The following TJAP1 variants were observed in gnomAD, a reference collection of about 807,000 sequenced individuals.
TJAP1 encodes tight junction associated protein 1.
A neutral mutation model predicts 42.0 loss-of-function variants in TJAP1; 27 were observed. That is an observed-to-expected ratio of 0.64 (90% CI 0.47 to 0.89). TJAP1 has a LOEUF of 0.89. Among genes scored for constraint, TJAP1 ranks in the 40% least tolerant of loss-of-function variants. The probability of loss-of-function intolerance (pLI) is 0.00; values close to 1 mark genes in which losing one functional copy is unlikely to be tolerated. For synonymous variants in TJAP1, 257 were observed against 288.4 expected (o/e 0.89, Z 1.10); for missense variants, 712 against 726.9 (o/e 0.98, Z 0.24).
At position 43,505,736 on chromosome 6, in the gene TJAP1, G is replaced by T. The variant is rs946731283; in HGVS notation, c.1555G>T (p.Ala519Ser). 6.5e-7 allele frequency: 1 copy of T among 1,541,204 alleles called. No homozygotes were observed. ...AGGCACTTCCCACACCGAGGGCAGG[G>T]CCTGGCCACTCCCCAGCTCCAGTCG... The change falls in exon 11 of 11, where the codon GCC (alanine) becomes TCC (serine). Residue 519 changes from alanine to serine, a missense_variant. Physicochemically the swap from Ala to Ser is moderately conservative, Grantham distance 99. Around this residue, in one of 3 missense-constraint regions of TJAP1, gnomAD observed 549 missense variants for 528.2 expected, o/e 1.04. Transcript: ENST00000372449. The surrounding 1 kb of genome is among the most constrained non-coding windows in gnomAD (Gnocchi z 5.5).
At chr6:43,500,959 T>G (rs923354495) in intron 5 of TJAP1, 187 bp downstream of exon 5, 1 of 665,056 alleles carries the variant, frequency 1.5e-6, no homozygotes, top group African/African-American at 1.8e-5. Flanking sequence ...GGGATTTTAT[T>G]GTTCCATGGG....
chr6:43,490,727 A>C (rs1194682213), intron 2 of TJAP1, among the ~76,000 whole-genome samples: 1 of 151,998 alleles, frequency 6.6e-6, no homozygotes, highest in Non-Finnish European at 1.5e-5. Flanking sequence ...TGTCCCCCCC[A>C]CCTCTTTTCA....
intron 10 of TJAP1, chr6:43,504,104 TA>T (rs1433467319): frequency 8.9e-6 from 3 of 335,850 alleles, no homozygotes; most frequent in African/African-American, 6.4e-5. Context: ...GTAGAAGAAG[TA>T]GAGGTATTTC....
At chr6:43,489,788 C>A in intron 2 of TJAP1, 1 of 152,234 alleles carries the variant, frequency 6.6e-6, no homozygotes, top group South Asian at 2.1e-4. Flanking sequence ...GGGAGAAAGC[C>A]CCTGAGGGTC....
exon 4 of TJAP1, chr6:43,499,100 G>A (rs558144560): frequency 6.2e-7 from 1 of 1,613,632 alleles, no homozygotes; most frequent in South Asian, 1.1e-5. Flanking sequence ...TTGAGCAGGA[G>A]GTCAGCAAGA....
rs188671392 is a variant in TJAP1 at position 43,501,696 on chromosome 6, A to C, written c.290+9A>C. On this transcript the variant is annotated intron_variant, in intron 6 of 10. Coordinates refer to ENST00000372449, the Ensembl canonical transcript of TJAP1. ...AAGGATAAGTTCCGCAGGTGTGGGA[A>C]TGAGGGGCCAGACACACACACACAC... is the stretch of plus-strand genomic sequence containing the variant. 742 of 666,324 alleles carry C rather than the reference A, an allele frequency of 1.1e-3. 1 individual carries two copies. Among genetic ancestry groups the C allele is most frequent in the Non-Finnish European group, 1.7e-3 (607 of 366,102 alleles). 41.3% of individuals were successfully genotyped at this position (666,324 alleles called of 1,614,324 possible).
rs766619846 is a variant in TJAP1, at chr6:43,505,840, C to T, written c.1659C>T (p.Gly553=). 1.1e-5 allele frequency: 16 copies of T among 1,474,278 alleles called. No individual in the cohort carries two copies. The South Asian group carries it at 1.7e-4, about 16-fold the overall frequency. 91.3% of individuals were successfully genotyped at this position (1,474,278 alleles called of 1,614,324 possible). ...GCCTGACCCAGGCCCAGGAGCAGGG[C>T]AACCTGCTCAACTAGGGCCCCTGCT... Residue 553 remains glycine (G), a synonymous_variant, in exon 11 of 11, where the codon GGC becomes GGT. Coordinates refer to ENST00000372449, the Ensembl canonical transcript of TJAP1. This position sits in a 1 kb window ranked among gnomAD's most constrained non-coding sequence, Gnocchi z 5.5.
rs1463389999 is a variant in TJAP1, at chr6:43,491,491, T to C, written c.-121-6390T>C. 6.6e-6 allele frequency among the ~76,000 whole-genome samples: 1 copy of C among 152,114 alleles called. No homozygotes were observed. Among genetic ancestry groups the C allele is most frequent in the African/African-American group, 2.4e-5 (1 of 41,414 alleles). ...TTTTAGTAGAGACGGGGTTTCTCCA[T>C]GTTAGTCAGGCTGGTCTCGAACTCC... is the stretch of plus-strand genomic sequence containing the variant. On this transcript the variant is annotated intron_variant, in intron 2 of 10. Coordinates refer to ENST00000372449, the Ensembl canonical transcript of TJAP1. This position sits in a 1 kb window ranked among gnomAD's most constrained non-coding sequence, Gnocchi z 4.6.
intron 2 of TJAP1, among the ~76,000 whole-genome samples, chr6:43,481,831 T>C (rs1309507997): frequency 1.3e-5 from 2 of 152,218 alleles, no homozygotes; most frequent in Non-Finnish European, 2.9e-5. Flanking sequence ...TTCTGAGTCA[T>C]GTCCTGTCTA....
intron 3 of TJAP1, among the ~76,000 whole-genome samples, chr6:43,498,452 A>G (rs147388900): frequency 2.0e-5 from 3 of 152,316 alleles, no homozygotes; most frequent in African/African-American, 7.2e-5. Context: ...CAGAAGGCTG[A>G]GGCAGGAGGA....
chr6:43,482,490 C>T (rs1198397871), intron 2 of TJAP1, among the ~76,000 whole-genome samples: 1 of 152,200 alleles, frequency 6.6e-6, no homozygotes, highest in African/African-American at 2.4e-5. Flanking sequence ...ACTGGTGCTA[C>T]TCCTTTGCCT....
chr6:43,493,003 G>A (rs1383543941), intron 2 of TJAP1, among the ~76,000 whole-genome samples: 2 of 152,178 alleles, frequency 1.3e-5, no homozygotes, highest in Non-Finnish European at 2.9e-5. Context: ...TTGATGAGGG[G>A]CTTTAGGAAG....
intron 6 of TJAP1, among the ~76,000 whole-genome samples, chr6:43,501,927 ACTCT>A (rs201624955): frequency 0.026 from 1,833 of 71,462 alleles, 96 homozygotes; most frequent in African/African-American, 0.063. Context: ...ACACACACAC[ACTCT>A]CTCTCTCTCT....
At chr6:43,477,828 G>A (rs1784527389) in intron 1 of TJAP1, among the ~76,000 whole-genome samples, 200 bp downstream of exon 1, 1 of 152,178 alleles carries the variant, frequency 6.6e-6, no homozygotes, top group Non-Finnish European at 1.5e-5. Flanking sequence ...CAGCCCTAGG[G>A]GAGGGGGATT....
rs143474891 is a variant in TJAP1 at position 43,505,237 on chromosome 6, C to T, written c.1056C>T (p.Tyr352=). The T allele has an allele frequency of 3.2e-4, 524 of 1,614,038 alleles. 2 individuals carry two copies. The African/African-American group carries it at 5.3e-3, about 16-fold the overall frequency. ...ACAGCCCCCTGCCCAACTGCACTTA[C>T]GCTACCCGCCAGGCCATTTCCCTGA... The change falls in exon 11 of 11, where the codon TAC becomes TAT. Residue 352 remains tyrosine, a synonymous_variant. Transcript: ENST00000372449. The surrounding 1 kb of genome is among the most constrained non-coding windows in gnomAD (Gnocchi z 5.5).
intron 6 of TJAP1, 105 bp from the exon 7 acceptor site, chr6:43,502,178 C>G (rs1791064480): frequency 1.7e-6 from 2 of 1,156,662 alleles, no homozygotes; most frequent in Middle Eastern, 2.0e-4. Flanking sequence ...AACTGAAGTT[C>G]TTGAGGGAGA....
chr6:43,485,988 T>C (rs1248084246), intron 2 of TJAP1, among the ~76,000 whole-genome samples: 6 of 152,086 alleles, frequency 3.9e-5, no homozygotes, highest in African/African-American at 1.2e-4. Context: ...TTTTCTTTTT[T>C]TGAGACAGAG....
chr6:43,501,707 GACACACACACACACACACACACACACAC>G lies in TJAP1; in HGVS notation c.290+45_290+72del, dbSNP rs70990192. ...CCGCAGGTGTGGGAATGAGGGGCCA[GACACACACACACACACACACACACACAC>G]ACACACACACACACACACACACACT... On this transcript the variant is annotated intron_variant, in intron 6 of 10. Coordinates refer to ENST00000372449, the Ensembl canonical transcript of TJAP1. 72 of 571,810 alleles carry G rather than the reference GACACACACACACACACACACACACACAC, an allele frequency of 1.3e-4. No homozygotes were observed. The highest frequency in any genetic ancestry group is 1.9e-4 in the Non-Finnish European group (60 of 322,136). 35.4% of individuals were successfully genotyped at this position (571,810 alleles called of 1,614,324 possible). A position where few individuals can be genotyped will look rare whatever the true frequency, so the allele number is the denominator to read the frequency against.
chr6:43,503,441 A>G (rs1268939319), exon 9 of TJAP1: 1 of 1,613,968 alleles, frequency 6.2e-7, no homozygotes, highest in African/African-American at 1.3e-5. Context: ...CTGGACTGGG[A>G]GATTGTGGAG....
Sources: allele counts gnomAD v4.1 joint callset (sites outside exome capture counted in the v4.1 genomes callset), GRCh38; gene constraint gnomAD v4.1.1; regional missense constraint gnomAD v4.1.1; non-coding constraint Gnocchi (gnomAD v3.1); transcripts MANE v1.5; gene names NCBI Gene and HGNC (gene_info 2026-07-23, HGNC 2026-07-21).